Variants in TAF9 observed in about 807,000 individuals in gnomAD.
TAF9 encodes transcription initiation factor TFIID subunit 9.
Under a neutral mutation model 16.5 loss-of-function variants are expected in TAF9, and 10 were observed. The observed-to-expected ratio is 0.61, with a 90% confidence interval of 0.37 to 1.03. TAF9 has a LOEUF of 1.03. Among genes scored for constraint, TAF9 ranks in the 50% least tolerant of loss-of-function variants. TAF9 has a pLI of 0.01. For synonymous variants in TAF9, 105 were observed against 120.5 expected, an observed-to-expected ratio of 0.87 and a Z score of 0.84; for missense variants, 288 against 319.1, an observed-to-expected ratio of 0.90 and a Z score of 0.74.
Position 69,369,490 on chromosome 5 carries a change from T to C in TAF9, c.-138A>G, listed in dbSNP as rs767191734. ...GTGAGCAGGATGTTCGGAAGCAACATGGTCCCCGCCGCGACGGCTTCGGGC... is the reference window on the plus strand; with the variant it reads ...GTGAGCAGGATGTTCGGAAGCAACACGGTCCCCGCCGCGACGGCTTCGGGC... On this transcript the variant is annotated 5_prime_UTR_variant, in exon 1 of 3. An upstream start codon of the reference 5' UTR is lost. Transcript: ENST00000217893. The C allele has an allele frequency of 1.1e-5, 18 of 1,611,226 alleles. No homozygotes were observed. The highest frequency in any genetic ancestry group is 3.3e-5 in the Admixed American group (2 of 59,926).
Position 69,365,118 on chromosome 5 carries a change from G to A in TAF9, c.620C>T (p.Ser207Leu), listed in dbSNP as rs1277889808. ...ATTAATCAGAACATTCTGAACTGCTGAGGTTGCAGGAATTGAAGCTTTTAC... is the reference window on the plus strand; with the variant it reads ...ATTAATCAGAACATTCTGAACTGCTAAGGTTGCAGGAATTGAAGCTTTTAC... The part of the protein sequence containing the change: ...PAVKASIPAT[S>L]AVQNVLINPS... The change falls in exon 3 of 3, where the codon TCA becomes TTA. Residue 207 changes from serine (S) to leucine (L), a missense_variant. Transcript: ENST00000217893. The A allele has an allele frequency of 1.2e-6, 2 of 1,614,234 alleles. No individual in the cohort carries two copies. The highest frequency in any genetic ancestry group is 1.1e-5 in the South Asian group (1 of 91,084).
rs763618621 is a variant in TAF9, at chr5:69,369,448, G to C, written c.-111+15C>G. On this transcript the variant is annotated intron_variant, in intron 1 of 2. Transcript: ENST00000217893. The stretch of plus-strand genomic sequence containing the variant: ...GCCTGCCCCAGCCCAGTCCCTCCCG[G>C]CCGCGCGCCCTGACCGGTGAGCAGG... 9.3e-6 allele frequency: 15 copies of C among 1,609,618 alleles called. No homozygotes were observed. The Admixed American group carries it at 1.0e-4, about 11-fold the overall frequency.
intron 1 of TAF9, chr5:69,368,712 T>C (rs2150746626): frequency 6.6e-6 from 1 of 152,306 alleles, no homozygotes; most frequent in African/African-American, 2.4e-5. Flanking sequence ...TGCATTAGAT[T>C]TTTCCACGAA....
chr5:69,367,941 G>A (rs1762547006), intron 1 of TAF9: 1 of 152,202 alleles, frequency 6.6e-6, no homozygotes, highest in African/African-American at 2.4e-5. Context: ...AAGGCGGGAG[G>A]ATCGCTTAAG....
chr5:69,366,425 C>T (rs1410243550), intron 2 of TAF9, 78 bp downstream of exon 2: 2 of 1,108,454 alleles, frequency 1.8e-6, no homozygotes, highest in Non-Finnish European at 2.7e-6. Context: ...TACCCTATGA[C>T]AATACCCAGC....
upstream of TAF9, chr5:69,369,701 C>T: frequency 6.4e-7 from 1 of 1,552,486 alleles, no homozygotes; most frequent in Non-Finnish European, 8.7e-7. Flanking sequence ...GGAGGGTGGG[C>T]ATAACTCGGG....
rs1258570393 is a variant in TAF9 at position 69,365,276 on chromosome 5, A to G, written c.462T>C (p.Thr154=). Residue 154 remains threonine, a synonymous_variant, in exon 3 of 3, where the codon ACT becomes ACC. Coordinates refer to ENST00000217893, the MANE Select transcript of TAF9 (RefSeq NM_003187.5). ...TVPRLSVGSV[T]SRPSTPTLGT... ...CTAGTGTGGGAGTACTTGGTCTGCTAGTAACTGAACCAACACTTAACCGCG... is the reference window on the plus strand; with the variant it reads ...CTAGTGTGGGAGTACTTGGTCTGCTGGTAACTGAACCAACACTTAACCGCG... The G allele has an allele frequency of 3.1e-6, 5 of 1,614,110 alleles. No individual in the cohort carries two copies. Among genetic ancestry groups the G allele is most frequent in the Non-Finnish European group, 4.2e-6 (5 of 1,180,038 alleles).
At chr5:69,369,284 T>G (rs998004872) in intron 1 of TAF9, 179 bp downstream of exon 1, 2 of 74,720 alleles carry the variant, frequency 2.7e-5, no homozygotes, top group African/African-American at 1.7e-4. Context: ...CCGCGTCCCC[T>G]CCCTCGCCTC....
chr5:69,367,865 G>A (rs1194033100), intron 1 of TAF9: 1 of 152,162 alleles, frequency 6.6e-6, no homozygotes, highest in Admixed American at 6.5e-5. Flanking sequence ...AACTTATAAA[G>A]ATTTAAAAAC....
At chr5:69,366,016 CAG>C (rs1762407972) in intron 2 of TAF9, among the ~76,000 whole-genome samples, 1 of 152,020 alleles carries the variant, frequency 6.6e-6, no homozygotes, top group Non-Finnish European at 1.5e-5. Flanking sequence ...TAGGGGAAAA[CAG>C]GGTAAAATAA....
In TAF9 at chr5:69,365,479, G is replaced by C. The variant is rs757406172; in HGVS notation, c.259C>G (p.Pro87Ala). 8.7e-6 allele frequency: 14 copies of C among 1,614,184 alleles called. No individual in the cohort carries two copies. The highest frequency in any genetic ancestry group is 1.0e-5 in the Non-Finnish European group (12 of 1,180,016). ...ATATCTAATAAAAAATCTCTTGGGG[G>C]AGGAGAGGTAAAAGACTGATCAGCG... ...CRADQSFTSP[P>A]PRDFLLDIAR... The change falls in exon 3 of 3, where the codon CCC becomes GCC. Residue 87 changes from proline to alanine, a missense_variant. Pro to Ala is a conservative substitution (Grantham distance 27, BLOSUM62 -1). Coordinates refer to ENST00000217893, the MANE Select transcript of TAF9 (RefSeq NM_003187.5).
chr5:69,369,167 G>A (rs774441494), intron 1 of TAF9: 22 of 485,772 alleles, frequency 4.5e-5, no homozygotes, highest in Non-Finnish European at 7.5e-5. Flanking sequence ...CGAAATACCA[G>A]ATTCAGAAAG....
At chr5:69,368,575 A>G (rs1035749054) in intron 1 of TAF9, among the ~76,000 whole-genome samples, 1 of 151,636 alleles carries the variant, frequency 6.6e-6, no homozygotes, top group Non-Finnish European at 1.5e-5. Flanking sequence ...TGGGGTGGTT[A>G]ATCTGCACCT....
intron 2 of TAF9, among the ~76,000 whole-genome samples, chr5:69,366,151 A>G (rs1051825697): frequency 6.6e-6 from 1 of 152,204 alleles, no homozygotes; most frequent in Non-Finnish European, 1.5e-5. Context: ...AGTGAGACCA[A>G]TATACTCACT....
chr5:69,369,520 C>T lies in TAF9; in HGVS notation c.-168G>A, dbSNP rs200902755. 30 of 1,611,138 alleles carry T rather than the reference C, an allele frequency of 1.9e-5. No homozygotes were observed. In the African/African-American group the frequency reaches 2.7e-4, roughly 14 times the overall value. Reference sequence around the variant, plus strand: ...CCCGCCGCGACGGCTTCGGGCGCCTCGCTCACGTGCCCTTTGCTCTACAGG... The same window carrying T: ...CCCGCCGCGACGGCTTCGGGCGCCTTGCTCACGTGCCCTTTGCTCTACAGG... On this transcript the variant is annotated 5_prime_UTR_variant, in exon 1 of 3. Transcript: ENST00000217893.
Position 69,369,458 on chromosome 5 carries a change from C to G in TAF9, c.-111+5G>C, listed in dbSNP as rs577414408. 9 of 1,610,596 alleles carry G rather than the reference C, an allele frequency of 5.6e-6. No homozygotes were observed. In the South Asian group the frequency reaches 9.9e-5, roughly 18 times the overall value. ...GCCCAGTCCCTCCCGGCCGCGCGCC[C>G]TGACCGGTGAGCAGGATGTTCGGAA... On this transcript the variant is annotated splice_donor_5th_base_variant and intron_variant, in intron 1 of 2. Transcript: ENST00000217893.
chr5:69,369,234 C>CG (rs1298305077), intron 1 of TAF9: 4 of 70,984 alleles, frequency 5.6e-5, no homozygotes, highest in South Asian at 3.7e-4. Flanking sequence ...CCACCCCCCC[C>CG]CGCCCCCCCC....
upstream of TAF9, chr5:69,369,754 A>G (rs535972848): frequency 6.1e-5 from 92 of 1,508,270 alleles, 3 homozygotes; most frequent in South Asian, 9.5e-4. Context: ...CCTAAGTCAC[A>G]CACTCCTTCG....
At chr5:69,369,400 G>A in intron 1 of TAF9, 63 bp downstream of exon 1, 2 of 1,583,846 alleles carry the variant, frequency 1.3e-6, no homozygotes, top group African/African-American at 1.4e-5. Flanking sequence ...GGCGCCCGAT[G>A]CCCAGAGCAC....
Sources: allele counts gnomAD v4.1 joint callset (sites outside exome capture counted in the v4.1 genomes callset), GRCh38; gene constraint gnomAD v4.1.1; transcripts MANE v1.5; gene names NCBI Gene and HGNC (gene_info 2026-07-23, HGNC 2026-07-21).